The following KIF3A variants were observed in gnomAD, a reference collection of about 807,000 sequenced individuals.
KIF3A encodes kinesin family member 3A.
Under a neutral mutation model 92.6 loss-of-function variants are expected in KIF3A, and 27 were observed. The observed-to-expected ratio is 0.29, with a 90% CI of 0.21 to 0.40. The LOEUF (loss-of-function observed/expected upper bound fraction) is 0.40. KIF3A is among the 10% of genes least tolerant of loss of function. The probability of loss-of-function intolerance (pLI) is 1.00; values close to 1 mark genes in which losing one functional copy is unlikely to be tolerated. For synonymous variants in KIF3A, 250 were observed against 275.4 expected (o/e 0.91, Z 0.92); for missense variants, 581 against 872.6 (o/e 0.67, Z 4.21).
chr5:132,732,532 T>C (rs575541320), intron 2 of KIF3A, among the ~76,000 whole-genome samples: 1 of 152,258 alleles, frequency 6.6e-6, no homozygotes, highest in East Asian at 1.9e-4. Context: ...ATCTCAGCAC[T>C]TTGGGAGGCC....
At position 132,694,474 on chromosome 5, in the gene KIF3A, T is replaced by C; in HGVS notation, c.*2160A>G. On this transcript the variant is annotated 3_prime_UTR_variant, in exon 19 of 19. Transcript: ENST00000403231. ...ATCGGCTTTTTATTTTGACTTTTTA[T>C]AGATTTATTTTTATTATCATGGTAG... The C allele has an allele frequency of 6.6e-6, 1 of 152,478 alleles. No individual in the cohort carries two copies. Among genetic ancestry groups the C allele is most frequent in the East Asian group, 1.9e-4 (1 of 5,320 alleles). 9.4% of individuals were successfully genotyped at this position (152,478 alleles called of 1,614,324 possible). A position where few individuals can be genotyped will look rare whatever the true frequency, so the allele number is the denominator to read the frequency against.
chr5:132,715,731 A>C (rs1481760986), intron 8 of KIF3A, 26 bp downstream of exon 8: 1 of 1,556,762 alleles, frequency 6.4e-7, no homozygotes, highest in Non-Finnish European at 8.8e-7. Flanking sequence ...GCCAACATAA[A>C]GATTAATATT....
At chr5:132,723,636 T>C (rs983798919) in intron 4 of KIF3A, 16 of 152,190 alleles carry the variant, frequency 1.1e-4, no homozygotes, top group African/African-American at 3.4e-4. Flanking sequence ...TTACACCTTA[T>C]ACAAAAATTA....
chr5:132,737,388 C>A (rs766296641), intron 1 of KIF3A, 26 bp downstream of exon 1: 2 of 1,607,956 alleles, frequency 1.2e-6, no homozygotes, highest in Admixed American at 1.7e-5. Flanking sequence ...GAGAAGAAAC[C>A]CCAGAAGCGA....
intron 1 of KIF3A, among the ~76,000 whole-genome samples, chr5:132,737,113 G>A (rs1754420939): frequency 6.6e-6 from 1 of 152,242 alleles, no homozygotes; most frequent in African/African-American, 2.4e-5. Flanking sequence ...CAGCAGGAAG[G>A]GCTGCGAGCC....
At chr5:132,711,184 A>T in intron 8 of KIF3A, 127 bp from the exon 9 acceptor site, 1 of 774,424 alleles carries the variant, frequency 1.3e-6, no homozygotes, top group Non-Finnish European at 2.2e-6. Flanking sequence ...ATACTATTTA[A>T]ATGCTCCTAG....
At chr5:132,737,053 G>A (rs1048306387) in intron 1 of KIF3A, 1 of 395,604 alleles carries the variant, frequency 2.5e-6, no homozygotes. Context: ...GCCTCACCAG[G>A]TGTGCAGCAT....
chr5:132,716,073 T>C, intron 7 of KIF3A, 142 bp from the exon 8 acceptor site: 1 of 843,904 alleles, frequency 1.2e-6, no homozygotes, highest in South Asian at 1.8e-5. Context: ...ACCACATGAG[T>C]TTCCAAAGGA....
intron 1 of KIF3A, among the ~76,000 whole-genome samples, chr5:132,735,327 G>A (rs755783074): frequency 6.6e-6 from 1 of 152,026 alleles, no homozygotes; most frequent in Non-Finnish European, 1.5e-5. Context: ...CACCCACCTC[G>A]GCCTCCCAAA....
intron 4 of KIF3A, among the ~76,000 whole-genome samples, chr5:132,725,139 C>T (rs1213121343): frequency 2.0e-5 from 3 of 151,644 alleles, no homozygotes; most frequent in Non-Finnish European, 2.9e-5. Flanking sequence ...CTAGAATTTG[C>T]ATAACACAAC....
At chr5:132,724,236 T>C (rs1232173194) in intron 4 of KIF3A, among the ~76,000 whole-genome samples, 3 of 152,228 alleles carry the variant, frequency 2.0e-5, no homozygotes, top group African/African-American at 7.2e-5. Flanking sequence ...GAAGTCAGTG[T>C]GGCGATTCCT....
chr5:132,724,755 C>A, intron 4 of KIF3A, among the ~76,000 whole-genome samples: 1 of 139,084 alleles, frequency 7.2e-6, no homozygotes. Flanking sequence ...AACAAACCTG[C>A]ACGTCGTGCA....
rs1753650389 is a variant in KIF3A, at chr5:132,717,080, A to G, written c.617-96T>C. The G allele has an allele frequency of 3.3e-6, 4 of 1,227,554 alleles. No homozygotes were observed. In the East Asian group the frequency reaches 9.4e-5, roughly 29 times the overall value. 76.0% of individuals were successfully genotyped at this position (1,227,554 alleles called of 1,614,324 possible). On this transcript the variant is annotated intron_variant, in intron 5 of 18. Transcript: ENST00000403231. ...ACAGTTTAAAACACTTAATTTTATCACAATCAAAAGCCAGAGAGCATGGCT... is the reference window on the plus strand; with the variant it reads ...ACAGTTTAAAACACTTAATTTTATCGCAATCAAAAGCCAGAGAGCATGGCT...
intron 4 of KIF3A, chr5:132,721,425 T>C (rs1753818625): frequency 6.6e-6 from 1 of 152,180 alleles, no homozygotes; most frequent in Non-Finnish European, 1.5e-5. Flanking sequence ...GAGTCATCTC[T>C]ACAAACCAAA....
intron 5 of KIF3A, among the ~76,000 whole-genome samples, chr5:132,719,611 C>T (rs1275539629): frequency 6.6e-6 from 1 of 151,946 alleles, no homozygotes; most frequent in African/African-American, 2.4e-5. Context: ...CCTGCCACAG[C>T]CTCCCGAGTA....
chr5:132,737,424 G>GC lies in KIF3A; in HGVS notation c.-6dup, dbSNP rs1754439453. ...AGCGACTCTCCTCACCGGCATCTTG[G>GC]CCCCCTCCCGTGCCCGGCGGACGTC... On this transcript the variant is annotated 5_prime_UTR_variant, in exon 1 of 19. Transcript: ENST00000403231. 4 of 1,606,664 alleles carry GC rather than the reference G, an allele frequency of 2.5e-6. No homozygotes were observed. Among genetic ancestry groups the GC allele is most frequent in the Non-Finnish European group, 3.4e-6 (4 of 1,176,958 alleles).
chr5:132,697,196 A>G (rs907754059), intron 18 of KIF3A, among the ~76,000 whole-genome samples: 1 of 152,230 alleles, frequency 6.6e-6, no homozygotes, highest in African/African-American at 2.4e-5. Context: ...TGAACATATC[A>G]TATAATGTAA....
chr5:132,702,389 A>T (rs1263882610), intron 14 of KIF3A, among the ~76,000 whole-genome samples, 169 bp downstream of exon 14: 1 of 152,240 alleles, frequency 6.6e-6, no homozygotes, highest in Non-Finnish European at 1.5e-5. Context: ...TTAAGGTTGA[A>T]AAGAAACAAT....
intron 2 of KIF3A, 148 bp downstream of exon 2, chr5:132,734,057 G>C: frequency 1.5e-6 from 1 of 658,886 alleles, no homozygotes; most frequent in South Asian, 2.2e-5. Flanking sequence ...AGGATGACAA[G>C]GGTGTTCTAA....
Sources: gnomAD v4.1 joint callset for allele counts (sites outside exome capture counted in the v4.1 genomes callset) on GRCh38, gnomAD v4.1.1 for gene constraint, MANE v1.5 for transcripts, NCBI Gene and HGNC (gene_info 2026-07-23, HGNC 2026-07-21) for gene names.